NRF1: variants seen among roughly 807,000 people sequenced by gnomAD.
NRF1 encodes alpha palindromic-binding protein.
Under a neutral mutation model 58.5 loss-of-function variants are expected in NRF1, and 5 were observed. The ratio of observed to expected loss-of-function variants is 0.09; its 90% CI spans 0.04 to 0.18. The LOEUF is 0.18. NRF1 is among the 10% of genes least tolerant of loss of function. The probability of loss-of-function intolerance (pLI) is 1.00; values close to 1 mark genes in which losing one functional copy is unlikely to be tolerated. For synonymous variants in NRF1, 224 were observed against 246.7 expected (o/e 0.91, Z 0.86); for missense variants, 288 against 657.7 (o/e 0.44, Z 6.15).
chr7:129,717,117 G>A, intron 8 of NRF1, 102 bp from the exon 9 acceptor site: 1 of 1,112,736 alleles, frequency 9.0e-7, no homozygotes, highest in Non-Finnish European at 1.3e-6. Flanking sequence ...ATTTTAAAGA[G>A]TATGTGTATT....
At chr7:129,722,418 G>C (rs1294471371) in intron 9 of NRF1, among the ~76,000 whole-genome samples, 1 of 151,976 alleles carries the variant, frequency 6.6e-6, no homozygotes, top group African/African-American at 2.4e-5. Flanking sequence ...AATCTTTCTA[G>C]CAGTTTAGTT....
intron 5 of NRF1, among the ~76,000 whole-genome samples, chr7:129,694,059 T>G (rs996497971): frequency 6.6e-6 from 1 of 152,236 alleles, no homozygotes; most frequent in Non-Finnish European, 1.5e-5. Context: ...TGCTGGTGAA[T>G]GAGGAGCTGG....
intron 10 of NRF1, among the ~76,000 whole-genome samples, chr7:129,745,078 G>A (rs1418696674): frequency 1.3e-5 from 2 of 152,128 alleles, no homozygotes; most frequent in African/African-American, 4.8e-5. Flanking sequence ...TAACTCCTGA[G>A]TGGGCCTGCT....
intron 10 of NRF1, among the ~76,000 whole-genome samples, chr7:129,729,878 C>A (rs1803538839): frequency 1.3e-5 from 2 of 152,154 alleles, no homozygotes; most frequent in Admixed American, 1.3e-4. Context: ...TGCTCTGTCA[C>A]CCAGGCTGGA....
At chr7:129,655,911 G>A (rs1562961293) in intron 1 of NRF1, among the ~76,000 whole-genome samples, 1 of 152,144 alleles carries the variant, frequency 6.6e-6, no homozygotes, top group South Asian at 2.1e-4. Flanking sequence ...TCAGGTTGAG[G>A]AAATTCCCCT....
At chr7:129,678,365 A>G (rs1034256668) in intron 4 of NRF1, among the ~76,000 whole-genome samples, 1 of 152,206 alleles carries the variant, frequency 6.6e-6, no homozygotes, top group Non-Finnish European at 1.5e-5. Flanking sequence ...AATGATCTGT[A>G]AAGATTTAAA....
intron 10 of NRF1, chr7:129,734,975 T>C: frequency 1.2e-6 from 1 of 818,258 alleles, no homozygotes; most frequent in Non-Finnish European, 1.5e-6. Context: ...CTGTGGATCC[T>C]GGGGAAAGGG....
At chr7:129,640,823 A>C (rs1369220412) in intron 1 of NRF1, among the ~76,000 whole-genome samples, 1 of 152,178 alleles carries the variant, frequency 6.6e-6, no homozygotes, top group African/African-American at 2.4e-5. Context: ...GAGAACATCA[A>C]ACTAGTCTCC....
chr7:129,726,845 GAA>G (rs1194214374), intron 9 of NRF1, among the ~76,000 whole-genome samples: 2 of 152,192 alleles, frequency 1.3e-5, no homozygotes, highest in Non-Finnish European at 2.9e-5. Context: ...GGAGAAAAGA[GAA>G]AAGGAAAACC....
At chr7:129,643,535 C>T (rs1801340319) in intron 1 of NRF1, among the ~76,000 whole-genome samples, 1 of 152,176 alleles carries the variant, frequency 6.6e-6, no homozygotes, top group Admixed American at 6.5e-5. Context: ...AGAGCCATGC[C>T]AGCTGCATTC....
intron 2 of NRF1, among the ~76,000 whole-genome samples, chr7:129,665,805 G>C (rs939696485): frequency 6.6e-6 from 1 of 152,154 alleles, no homozygotes; most frequent in African/African-American, 2.4e-5. Context: ...CAGACATGCC[G>C]TTTTGCCATG....
At chr7:129,751,578 C>T (rs1182605359) in intron 10 of NRF1, among the ~76,000 whole-genome samples, 1 of 152,242 alleles carries the variant, frequency 6.6e-6, no homozygotes, top group African/African-American at 2.4e-5. Flanking sequence ...CTTTTAGTTT[C>T]TATTCACACC....
intron 10 of NRF1, among the ~76,000 whole-genome samples, chr7:129,745,506 A>ACCCCCCCCCCCCACC (rs35406699): frequency 4.4e-5 from 5 of 112,650 alleles, no homozygotes; most frequent in Non-Finnish European, 9.0e-5. Flanking sequence ...ATCCCCCTCA[A>ACCCCCCCCCCCCACC]CCCCCCCCCC....
chr7:129,664,104 A>G (rs7459234), intron 2 of NRF1, among the ~76,000 whole-genome samples: 3 of 147,940 alleles, frequency 2.0e-5, no homozygotes, highest in Non-Finnish European at 4.5e-5. Context: ...CAGGCTCCCC[A>G]AGAGAGGGAG....
At chr7:129,654,708 A>G (rs1801612690) in intron 1 of NRF1, among the ~76,000 whole-genome samples, 1 of 152,180 alleles carries the variant, frequency 6.6e-6, no homozygotes. Context: ...TTCATTGAAA[A>G]GACTAACTTT....
chr7:129,748,358 G>A (rs1358371324), intron 10 of NRF1, among the ~76,000 whole-genome samples: 3 of 151,792 alleles, frequency 2.0e-5, no homozygotes, highest in Non-Finnish European at 2.9e-5. Flanking sequence ...AACTCCTTGG[G>A]AACAGGTCAG....
At chr7:129,671,671 A>G in intron 3 of NRF1, 128 bp downstream of exon 3, 1 of 589,792 alleles carries the variant, frequency 1.7e-6, no homozygotes, top group Non-Finnish European at 3.0e-6. Flanking sequence ...ATGTAGACTT[A>G]AAAGTATTCT....
intron 3 of NRF1, among the ~76,000 whole-genome samples, chr7:129,674,443 T>C (rs1192884492): frequency 6.7e-6 from 1 of 149,748 alleles, no homozygotes; most frequent in Non-Finnish European, 1.5e-5. Context: ...TTTAAAATAC[T>C]TTTTTTTTGG....
chr7:129,646,626 T>G (rs945734111), intron 1 of NRF1, among the ~76,000 whole-genome samples: 2 of 151,978 alleles, frequency 1.3e-5, no homozygotes, highest in Non-Finnish European at 2.9e-5. Flanking sequence ...ACAGCTGGAG[T>G]TGGGAGGTGC....
Sources: allele counts gnomAD v4.1 joint callset (sites outside exome capture counted in the v4.1 genomes callset), GRCh38; gene constraint gnomAD v4.1.1; transcripts MANE v1.5; gene names NCBI Gene and HGNC (gene_info 2026-07-23, HGNC 2026-07-21).